NF1: variants seen among roughly 807,000 people sequenced by gnomAD.
The protein encoded by NF1 is neurofibromin.
NF1 carries 122 observed loss-of-function variants against 325.7 expected under a neutral mutation model. That is an observed-to-expected ratio of 0.37 (90% CI 0.32 to 0.44). The LOEUF (loss-of-function observed/expected upper bound fraction) is 0.44, where lower values mean the gene tolerates loss of function less well. Ranked by LOEUF, NF1 falls within the 20% of genes least tolerant of loss-of-function variation. The pLI is 1.00. For synonymous variants in NF1, 1,091 were observed against 1,186.0 expected (o/e 0.92, Z 1.65); for missense variants, 2,140 against 3,415.4 (o/e 0.63, Z 9.31).
intron 36 of NF1, among the ~76,000 whole-genome samples, chr17:31,291,421 T>A (rs1171339681): frequency 1.3e-5 from 2 of 152,358 alleles, no homozygotes; most frequent in African/African-American, 2.4e-5. Context: ...TTTCTAATTA[T>A]TTGTTGCCAA....
chr17:31,122,416 G>A (rs1008313554), intron 1 of NF1, among the ~76,000 whole-genome samples: 5 of 152,156 alleles, frequency 3.3e-5, no homozygotes, highest in African/African-American at 1.2e-4. Context: ...ACTTAAAAAT[G>A]GGCTTTGATC....
intron 35 of NF1, among the ~76,000 whole-genome samples, chr17:31,263,648 A>G (rs1237777569): frequency 6.6e-6 from 1 of 151,574 alleles, no homozygotes; most frequent in Non-Finnish European, 1.5e-5. Flanking sequence ...TTGAAGATTA[A>G]GTAATCCAAT....
At chr17:31,232,575 A>T in intron 25 of NF1, 125 bp from the exon 26 acceptor site, 1 of 910,602 alleles carries the variant, frequency 1.1e-6, no homozygotes, top group Non-Finnish European at 1.7e-6. Flanking sequence ...TTATCGCGAG[A>T]GAGGAGAGAA....
intron 35 of NF1, among the ~76,000 whole-genome samples, chr17:31,264,411 C>CA (rs777973376): frequency 0.072 from 7,486 of 104,644 alleles, 235 homozygotes; most frequent in Non-Finnish European, 0.11. Flanking sequence ...AACTCCATCT[C>CA]AAAAAAAAAA....
chr17:31,127,396 A>G (rs1914974455), intron 1 of NF1, among the ~76,000 whole-genome samples: 1 of 152,158 alleles, frequency 6.6e-6, no homozygotes. Context: ...ATTTAAGAAC[A>G]TAATATGACT....
chr17:31,251,877 TA>T (rs963275174), intron 30 of NF1: 2 of 217,042 alleles, frequency 9.2e-6, no homozygotes, highest in African/African-American at 4.5e-5. Flanking sequence ...AATGGATGTC[TA>T]ACTAACTTAA....
At chr17:31,295,944 C>G in intron 36 of NF1, 1 of 1,614,086 alleles carries the variant, frequency 6.2e-7, no homozygotes, top group Non-Finnish European at 8.5e-7. Flanking sequence ...TTCTTAGAAA[C>G]ATCCAGATAT....
intron 1 of NF1, among the ~76,000 whole-genome samples, chr17:31,131,883 CT>C (rs1033989970): frequency 4.6e-5 from 7 of 151,940 alleles, no homozygotes; most frequent in East Asian, 3.9e-4. Context: ...TATTTCACCC[CT>C]AATGTTTATT....
intron 35 of NF1, among the ~76,000 whole-genome samples, chr17:31,263,124 TA>T (rs35309099): frequency 0.029 from 1,146 of 39,030 alleles, 18 homozygotes; most frequent in Non-Finnish European, 0.039. Flanking sequence ...GATAGATAGA[TA>T]AGATAAGATA....
intron 36 of NF1, among the ~76,000 whole-genome samples, chr17:31,280,516 CAAAAAAAAAAA>C (rs57193583): frequency 1.3e-4 from 10 of 79,534 alleles, no homozygotes; most frequent in Non-Finnish European, 8.2e-5. Flanking sequence ...GACTCTGTCT[CAAAAAAAAAAA>C]AAAAAAAAAA....
At chr17:31,361,106 A>AG (rs1283647860) in intron 57 of NF1, 6 of 149,336 alleles carry the variant, frequency 4.0e-5, no homozygotes, top group African/African-American at 1.1e-4. Context: ...AAAAAAAAAA[A>AG]AAGAAGAAGA....
At position 31,327,581 on chromosome 17, in the gene NF1, A is replaced by G. The variant is rs1060500280; in HGVS notation, c.5351A>G (p.Tyr1784Cys). The G allele has an allele frequency of 6.2e-7, 1 of 1,614,206 alleles. No individual in the cohort carries two copies. Among genetic ancestry groups the G allele is most frequent in the Non-Finnish European group, 8.5e-7 (1 of 1,180,030 alleles). The change falls in exon 38 of 58, where the codon TAT (tyrosine) becomes TGT (cysteine). Residue 1784 changes from tyrosine (Y) to cysteine (C), a missense_variant. By Grantham distance (194) the Tyr-to-Cys change is radical. This residue lies in a region of NF1 where 147 missense variants were observed against 186.7 expected (regional missense o/e 0.79). Transcript: ENST00000358273. ...GQSVFLNDIY[Y>C]ASEIEEICLV... The stretch of plus-strand genomic sequence containing the variant: ...TCAGTCTTTCTAAATGACATTTATT[A>G]TGCTTCGGAAATTGAAGAAATCTGC...
At chr17:31,313,722 ATGTGTGTG>A (rs60267436) in intron 36 of NF1, among the ~76,000 whole-genome samples, 59,603 of 138,830 alleles carry the variant, frequency 0.43, 14,681 homozygotes, top group Middle Eastern at 0.56. Context: ...AAAAAAAAAT[ATGTGTGTG>A]TGTGTGTGTG....
At chr17:31,267,946 A>G (rs1444271343) in intron 36 of NF1, among the ~76,000 whole-genome samples, 1 of 152,138 alleles carries the variant, frequency 6.6e-6, no homozygotes, top group Admixed American at 6.5e-5. Context: ...AAGTTGTTTT[A>G]GTTAGGCTTT....
intron 36 of NF1, chr17:31,294,889 G>GT: frequency 1.5e-6 from 2 of 1,342,198 alleles, no homozygotes; most frequent in Non-Finnish European, 2.1e-6. Flanking sequence ...AGTTAGAAAT[G>GT]TTAAGACTGG....
intron 12 of NF1, among the ~76,000 whole-genome samples, chr17:31,210,304 C>T (rs1359535518): frequency 4.6e-5 from 7 of 152,256 alleles, no homozygotes; most frequent in South Asian, 2.1e-4. Flanking sequence ...TCGTACAGGC[C>T]GGGCACAGTG....
chr17:31,263,618 C>T (rs1011214098), intron 35 of NF1, among the ~76,000 whole-genome samples: 95 of 151,394 alleles, frequency 6.3e-4, no homozygotes, highest in Non-Finnish European at 1.8e-4. Context: ...CCTTCCCTTA[C>T]AAAGCAATCT....
rs7405562 is a variant in NF1, at chr17:31,335,281, T to C, written c.6006+250T>C. Reference sequence around the variant, plus strand: ...GTCTCCTTCAAGGCATAATTATATATATATATATATATATAATTATGCCTT... The same window carrying C: ...GTCTCCTTCAAGGCATAATTATATACATATATATATATATAATTATGCCTT... On this transcript the variant is annotated intron_variant, in intron 40 of 57. Transcript: ENST00000358273. Among the ~76,000 whole-genome samples the C allele has an allele frequency of 5.0e-3, 214 of 43,122 alleles. 27 individuals are homozygous for C. Among genetic ancestry groups the C allele is most frequent in the Middle Eastern group, 0.017 (1 of 58 alleles). The allele number at this position is 43,122 out of a possible 152,430, so 28.3% of individuals were successfully genotyped here.
chr17:31,358,659 C>G (rs2151585306), intron 55 of NF1, 37 bp downstream of exon 55: 1 of 1,612,614 alleles, frequency 6.2e-7, no homozygotes, highest in Non-Finnish European at 8.5e-7. Flanking sequence ...GGTTGATGAA[C>G]TTGCTAACAT....
Sources: gnomAD v4.1 joint callset for allele counts (sites outside exome capture counted in the v4.1 genomes callset) on GRCh38, gnomAD v4.1.1 for gene constraint, gnomAD v4.1.1 regional missense constraint, MANE v1.5 for transcripts, NCBI Gene and HGNC (gene_info 2026-07-23, HGNC 2026-07-21) for gene names.